The following WNT16 variants were observed in gnomAD, a reference collection of about 807,000 sequenced individuals.
WNT16 encodes the protein protein Wnt-16.
WNT16 carries 20 observed loss-of-function variants against 35.4 expected under a neutral mutation model. The ratio of observed to expected loss-of-function variants is 0.56; its 90% CI spans 0.40 to 0.82. The LOEUF (loss-of-function observed/expected upper bound fraction) is 0.82, where lower values mean the gene tolerates loss of function less well. Ranked by LOEUF, WNT16 falls within the 40% of genes least tolerant of loss-of-function variation. The pLI, the probability that WNT16 is intolerant of heterozygous loss-of-function variation, is 0.00. For synonymous variants in WNT16, 180 were observed against 179.2 expected (o/e 1.00, Z -0.03); for missense variants, 461 against 466.0 (o/e 0.99, Z 0.10).
rs1793346562 is a variant in WNT16 at position 121,331,588 on chromosome 7, T to C, written c.347-90T>C. The C allele has an allele frequency of 4.1e-5, 50 of 1,231,444 alleles. 1 individual carries two copies. The South Asian group carries it at 7.1e-4, about 18-fold the overall frequency. 76.3% of individuals were successfully genotyped at this position (1,231,444 alleles called of 1,614,324 possible). A position where few individuals can be genotyped will look rare whatever the true frequency, so the allele number is the denominator to read the frequency against. On this transcript the variant is annotated intron_variant, in intron 2 of 3. Transcript: ENST00000222462. ...CATTGTAAGCAACTGAAAAATTACTTGTCCAGTAAGATCATGAGTAGGAGG... is the reference window on the plus strand; with the variant it reads ...CATTGTAAGCAACTGAAAAATTACTCGTCCAGTAAGATCATGAGTAGGAGG...
chr7:121,340,781 C>T lies in WNT16; in HGVS notation c.*1436C>T, dbSNP rs1793519864. The T allele has an allele frequency of 6.6e-6, 1 of 152,100 alleles. No homozygotes were observed. The highest frequency in any genetic ancestry group is 1.9e-4 in the East Asian group (1 of 5,194). The allele number at this position is 152,100 out of a possible 1,614,324, so 9.4% of individuals were successfully genotyped here. A position where few individuals can be genotyped will look rare whatever the true frequency, so the allele number is the denominator to read the frequency against. ...TTTTTAATATTCATGCATGTATATT[C>T]ATCATATTTTACAAGGTTCCTGGTA... On this transcript the variant is annotated 3_prime_UTR_variant, in exon 4 of 4. Coordinates refer to ENST00000222462, the MANE Select transcript of WNT16 (RefSeq NM_057168.2).
Sources: gnomAD v4.1 joint callset for allele counts on GRCh38, gnomAD v4.1.1 for gene constraint, MANE v1.5 for transcripts, NCBI Gene and HGNC (gene_info 2026-07-23, HGNC 2026-07-21) for gene names.